CNTNAP2: variants seen among roughly 807,000 people sequenced by gnomAD.
The protein encoded by CNTNAP2 is contactin associated protein 2.
In CNTNAP2, 98 loss-of-function variants were observed where a neutral mutation model predicts 155.2. The ratio of observed to expected loss-of-function variants is 0.63; its 90% CI spans 0.54 to 0.75. The LOEUF (loss-of-function observed/expected upper bound fraction) is 0.75. Ranked by LOEUF, CNTNAP2 falls within the 30% of genes least tolerant of loss-of-function variation. The probability of loss-of-function intolerance (pLI) is 0.00; values close to 1 mark genes in which losing one functional copy is unlikely to be tolerated. For missense variants in CNTNAP2, 1,727 were observed against 1,688.1 expected, an observed-to-expected ratio of 1.02 and a Z score of -0.40; for synonymous variants, 651 against 631.2, an observed-to-expected ratio of 1.03 and a Z score of -0.47.
intron 1 of CNTNAP2, among the ~76,000 whole-genome samples, chr7:146,484,097 C>A (rs1170042640): frequency 6.6e-6 from 1 of 152,188 alleles, no homozygotes; most frequent in East Asian, 1.9e-4. Flanking sequence ...GTTTATATAT[C>A]TTTAGATACA....
At chr7:148,210,742 G>C (rs540063204) in intron 18 of CNTNAP2, among the ~76,000 whole-genome samples, 2 of 152,298 alleles carry the variant, frequency 1.3e-5, no homozygotes, top group East Asian at 3.9e-4. Flanking sequence ...GACCCACCTG[G>C]GGAAACAGAA....
chr7:147,094,299 G>A (rs967150592), intron 4 of CNTNAP2, among the ~76,000 whole-genome samples: 17 of 152,060 alleles, frequency 1.1e-4, no homozygotes, highest in Admixed American at 4.6e-4. Flanking sequence ...TAAGAAGATT[G>A]AGGTTCTTTC....
chr7:147,399,383 G>A (rs1025644853), intron 10 of CNTNAP2, among the ~76,000 whole-genome samples: 6 of 152,148 alleles, frequency 3.9e-5, no homozygotes, highest in South Asian at 2.1e-4. Flanking sequence ...TGAGAGACGC[G>A]TGTACCCTAG....
intron 4 of CNTNAP2, among the ~76,000 whole-genome samples, chr7:147,062,044 A>C (rs113294503): frequency 0.13 from 18,559 of 143,884 alleles, 1,400 homozygotes; most frequent in Middle Eastern, 0.22. Context: ...AGGAGAATGG[A>C]GTGAACCCGG....
In CNTNAP2 at chr7:146,665,800, A is replaced by AAAAAAAAAAAAAAAAAT. The variant is rs1563179456; in HGVS notation, c.98-108471_98-108470insAAAAAAAAAAAAAAAAT. Among the ~76,000 whole-genome samples, 3 of 144,708 alleles carry AAAAAAAAAAAAAAAAAT rather than the reference A, an allele frequency of 2.1e-5. 1 individual carries two copies. The highest frequency in any genetic ancestry group is 4.5e-5 in the Non-Finnish European group (3 of 66,906). 94.9% of individuals were successfully genotyped at this position (144,708 alleles called of 152,430 possible). The stretch of plus-strand genomic sequence containing the variant: ...TGTCTCATTAAAAAAAAAAAAAAAT[A>AAAAAAAAAAAAAAAAAT]CATTTTGTAACTGATTTCTATTTTT... On this transcript the variant is annotated intron_variant, in intron 1 of 23. Coordinates refer to ENST00000361727, the MANE Select transcript of CNTNAP2 (RefSeq NM_014141.6).
intron 1 of CNTNAP2, among the ~76,000 whole-genome samples, chr7:146,376,527 T>C (rs1234499224): frequency 6.6e-6 from 1 of 152,194 alleles, no homozygotes; most frequent in Non-Finnish European, 1.5e-5. Flanking sequence ...TCAAAACTTC[T>C]TGTAAGAGTT....
chr7:147,771,452 G>A (rs1797467556), intron 13 of CNTNAP2, among the ~76,000 whole-genome samples: 1 of 152,322 alleles, frequency 6.6e-6, no homozygotes, highest in East Asian at 1.9e-4. Flanking sequence ...GGCTGAATGA[G>A]CCTTTGTGGT....
At chr7:147,837,441 G>T (rs1288325240) in intron 13 of CNTNAP2, among the ~76,000 whole-genome samples, 1 of 152,040 alleles carries the variant, frequency 6.6e-6, no homozygotes, top group Non-Finnish European at 1.5e-5. Flanking sequence ...AGATTTGGGT[G>T]GGGACACAGC....
In CNTNAP2 at chr7:147,047,424, CT is replaced by C. The variant is rs1030630624; in HGVS notation, c.550+3378del. On this transcript the variant is annotated intron_variant, in intron 4 of 23. Transcript: ENST00000361727. ...TTATGCTTATTGGTCATACGTATAC[CT>C]TTTTTTTAAGTGTTCAAGAATCTTG... 9.2e-5 allele frequency among the ~76,000 whole-genome samples: 14 copies of C among 151,484 alleles called. No homozygotes were observed. In the South Asian group the frequency reaches 1.5e-3, roughly 16 times the overall value.
chr7:148,128,895 G>T (rs556576917), intron 16 of CNTNAP2, among the ~76,000 whole-genome samples: 1 of 152,112 alleles, frequency 6.6e-6, no homozygotes, highest in South Asian at 2.1e-4. Flanking sequence ...GCCCTCTCAC[G>T]TGGCAGCTCC....
chr7:146,592,341 C>T (rs1323459080), intron 1 of CNTNAP2, among the ~76,000 whole-genome samples: 1 of 152,070 alleles, frequency 6.6e-6, no homozygotes, highest in Non-Finnish European at 1.5e-5. Context: ...TGGAAGTGTC[C>T]CCTTTAGATA....
intron 1 of CNTNAP2, among the ~76,000 whole-genome samples, chr7:146,368,818 T>C (rs1170365180): frequency 6.7e-6 from 1 of 148,852 alleles, no homozygotes; most frequent in Non-Finnish European, 1.5e-5. Flanking sequence ...AATTCACTAC[T>C]ACTTGATTCT....
chr7:146,804,688 G>A (rs1482435625), intron 2 of CNTNAP2, among the ~76,000 whole-genome samples: 1 of 152,090 alleles, frequency 6.6e-6, no homozygotes, highest in African/African-American at 2.4e-5. Context: ...TCTTATTGAA[G>A]AGCCCTATAA....
chr7:148,022,057 C>G (rs1802288221), intron 15 of CNTNAP2, among the ~76,000 whole-genome samples: 2 of 152,190 alleles, frequency 1.3e-5, no homozygotes, highest in Admixed American at 1.3e-4. Context: ...CACTCTCTTT[C>G]TAGGCCTGCA....
rs556880724 is a variant in CNTNAP2 at position 148,251,236 on chromosome 7, A to G, written c.3382-15797A>G. ...GAGGTTCCCACTACTCCCTCAGGTCAATAATTTGCTAGAATGATTTGCAGA... is the reference window on the plus strand; with the variant it reads ...GAGGTTCCCACTACTCCCTCAGGTCGATAATTTGCTAGAATGATTTGCAGA... On this transcript the variant is annotated intron_variant, in intron 20 of 23. Transcript: ENST00000361727. 2.0e-5 allele frequency among the ~76,000 whole-genome samples: 3 copies of G among 152,256 alleles called. No homozygotes were observed. The South Asian group carries it at 6.2e-4, about 32-fold the overall frequency.
intron 1 of CNTNAP2, among the ~76,000 whole-genome samples, chr7:146,231,042 A>ATAAATAAATAAATAAATAAATAAATAAAT (rs76111973): frequency 8.0e-4 from 120 of 150,484 alleles, no homozygotes; most frequent in African/African-American, 2.7e-3. Flanking sequence ...AAATAAATAA[A>ATAAATAAATAAATAAATAAATAAATAAAT]AAGTTAATAT....
At chr7:148,364,664 G>A (rs971054432) in intron 21 of CNTNAP2, among the ~76,000 whole-genome samples, 10 of 152,190 alleles carry the variant, frequency 6.6e-5, no homozygotes, top group Non-Finnish European at 8.8e-5. Flanking sequence ...GGGATGTGGA[G>A]AACCTTTGTA....
chr7:146,661,624 G>T (rs1211760323), intron 1 of CNTNAP2, among the ~76,000 whole-genome samples: 1 of 152,014 alleles, frequency 6.6e-6, no homozygotes, highest in African/African-American at 2.4e-5. Flanking sequence ...TTTTTGCAGA[G>T]AATTTTTCCA....
intron 8 of CNTNAP2, among the ~76,000 whole-genome samples, chr7:147,256,816 T>C (rs1804338893): frequency 6.6e-6 from 1 of 151,692 alleles, no homozygotes; most frequent in Admixed American, 6.6e-5. Flanking sequence ...AAAGAAAACA[T>C]GTAGTGGTGG....
Sources: allele counts gnomAD v4.1 joint callset (sites outside exome capture counted in the v4.1 genomes callset), GRCh38; gene constraint gnomAD v4.1.1; transcripts MANE v1.5; gene names NCBI Gene and HGNC (gene_info 2026-07-23, HGNC 2026-07-21).